The following CATSPERD variants were observed in gnomAD, a reference collection of about 807,000 sequenced individuals.
CATSPERD encodes cation channel sperm-associated auxiliary subunit delta.
A neutral mutation model predicts 98.1 loss-of-function variants in CATSPERD; 86 were observed. The ratio of observed to expected loss-of-function variants is 0.88; its 90% CI spans 0.74 to 1.05. CATSPERD has a LOEUF of 1.05. Among genes scored for constraint, CATSPERD ranks in the 50% least tolerant of loss-of-function variants. CATSPERD has a pLI of 0.00. For synonymous variants in CATSPERD, 394 were observed against 390.2 expected (o/e 1.01, Z -0.12); for missense variants, 995 against 1,005.7 (o/e 0.99, Z 0.14).
At chr19:5,738,134 G>A (rs147776373) in intron 6 of CATSPERD, among the ~76,000 whole-genome samples, 9 of 151,858 alleles carry the variant, frequency 5.9e-5, no homozygotes, top group African/African-American at 1.7e-4. Flanking sequence ...CTGTCCAGGC[G>A]TGGTGGTTCA....
intron 1 of CATSPERD, among the ~76,000 whole-genome samples, chr19:5,724,319 T>C (rs1456171503): frequency 1.3e-5 from 2 of 151,028 alleles, no homozygotes; most frequent in African/African-American, 4.9e-5. Context: ...TGCCTCGGCC[T>C]CCCAAAGTGC....
Position 5,748,198 on chromosome 19 carries a change from C to G in CATSPERD, c.847C>G (p.Gln283Glu). 6.2e-7 allele frequency: 1 copy of G among 1,614,002 alleles called. No homozygotes were observed. Among genetic ancestry groups the G allele is most frequent in the South Asian group, 1.1e-5 (1 of 91,074 alleles). Residue 283 changes from glutamine to glutamate, a missense_variant, in exon 10 of 22, where the codon CAG (glutamine) becomes GAG (glutamate). By Grantham distance (29) the Gln-to-Glu change is conservative. Transcript: ENST00000381624. ...CACCGTCCGGGTGAAAAAAGGAGAC[C>G]AGACCTTGTTTTCTTCCATTTTTGA... ...VDTVRVKKGD[Q>E]TLFSSIFEAK... is the part of the protein sequence containing the mutation.
chr19:5,759,640 G>T (rs1344302539), intron 15 of CATSPERD, among the ~76,000 whole-genome samples: 2 of 150,498 alleles, frequency 1.3e-5, no homozygotes, highest in African/African-American at 4.9e-5. Flanking sequence ...TACTCAGGGA[G>T]ATATTTGCAC....
intron 1 of CATSPERD, among the ~76,000 whole-genome samples, chr19:5,722,750 G>A (rs1260463154): frequency 1.4e-5 from 2 of 148,090 alleles, no homozygotes; most frequent in South Asian, 2.1e-4. Flanking sequence ...CCGCAACCCC[G>A]GTGATTCTGA....
intron 20 of CATSPERD, among the ~76,000 whole-genome samples, chr19:5,775,785 C>T (rs2056731746): frequency 6.6e-6 from 1 of 151,910 alleles, no homozygotes; most frequent in African/African-American, 2.4e-5. Flanking sequence ...TCAGAAGAAA[C>T]ACTGTGCCTG....
intron 7 of CATSPERD, among the ~76,000 whole-genome samples, chr19:5,739,675 T>TA (rs1034093589): frequency 4.0e-5 from 6 of 149,704 alleles, no homozygotes; most frequent in African/African-American, 1.5e-4. Context: ...CTACAAAAAA[T>TA]AAAAAAAATA....
intron 5 of CATSPERD, among the ~76,000 whole-genome samples, chr19:5,734,463 AC>A (rs1311230166): frequency 6.6e-6 from 1 of 152,038 alleles, no homozygotes; most frequent in African/African-American, 2.4e-5. Context: ...ACATGGGGAA[AC>A]CCCGTCCCTA....
At chr19:5,776,117 T>G (rs775640723) in intron 20 of CATSPERD, 44 bp from the exon 21 acceptor site, 1 of 1,597,116 alleles carries the variant, frequency 6.3e-7, no homozygotes, top group Admixed American at 1.7e-5. Flanking sequence ...CAGGGCCCCC[T>G]CCCCAGTCCC....
chr19:5,739,368 A>C lies in CATSPERD; in HGVS notation c.502A>C (p.Ile168Leu). ...LVFAYFRGDQ[I>L]SQTYIYYSNT... ...TTTTGCATATTTCCGTGGAGATCAG[A>C]TATCCCAGACTTATATATATTATTC... The change falls in exon 7 of 22, where the codon ATA (isoleucine) becomes CTA (leucine). Residue 168 changes from isoleucine to leucine, a missense_variant. Coordinates refer to ENST00000381624, the MANE Select transcript of CATSPERD (RefSeq NM_152784.4). 1.3e-6 allele frequency: 2 copies of C among 1,588,300 alleles called. No individual in the cohort carries two copies. The highest frequency in any genetic ancestry group is 1.7e-6 in the Non-Finnish European group (2 of 1,170,206).
intron 12 of CATSPERD, among the ~76,000 whole-genome samples, chr19:5,752,844 A>G (rs1033107801): frequency 6.6e-6 from 1 of 151,934 alleles, no homozygotes; most frequent in African/African-American, 2.4e-5. Context: ...CCTGGCCAAC[A>G]TGGCGAAACC....
rs2056771637 is a variant in CATSPERD, at chr19:5,778,458, C to T, written c.2179C>T (p.Leu727=). 1.2e-6 allele frequency: 2 copies of T among 1,614,022 alleles called. No homozygotes were observed. Among genetic ancestry groups the T allele is most frequent in the South Asian group, 1.1e-5 (1 of 91,090 alleles). The part of the protein sequence containing the change: ...VQLVSAGVVI[L]LIISSILGSV... ...GCTGGTCTCTGCTGGAGTCGTCATC[C>T]TACTGATCATCTCCAGCATCCTGGG... Residue 727 remains leucine, a synonymous_variant, in exon 22 of 22, where the codon CTA becomes TTA. Transcript: ENST00000381624.
chr19:5,772,175 G>GTAGC (rs2056658858), intron 19 of CATSPERD: 1 of 392,088 alleles, frequency 2.6e-6, no homozygotes. Flanking sequence ...AGCCTCCCAA[G>GTAGC]TAGCTGGGAC....
rs572853742 is a variant in CATSPERD, at chr19:5,758,976, G to A, written c.1369-110G>A. The A allele has an allele frequency of 7.0e-5, 62 of 889,212 alleles. 1 individual carries two copies. The African/African-American group carries it at 7.4e-4, about 11-fold the overall frequency. 55.1% of individuals were successfully genotyped at this position (889,212 alleles called of 1,614,324 possible). A position where few individuals can be genotyped will look rare whatever the true frequency, so the allele number is the denominator to read the frequency against. ...CAGAGTGGGGCTAAGCGGCTTCCAG[G>A]TTCGTCCCCCCATGTCCCCTCCAAC... On this transcript the variant is annotated intron_variant, in intron 14 of 21. Coordinates refer to ENST00000381624, the MANE Select transcript of CATSPERD (RefSeq NM_152784.4).
intron 6 of CATSPERD, among the ~76,000 whole-genome samples, chr19:5,738,979 C>T (rs905934930): frequency 2.1e-4 from 32 of 152,116 alleles, no homozygotes; most frequent in African/African-American, 7.5e-4. Flanking sequence ...CCGCCCGCCT[C>T]AGCCTCCCAA....
chr19:5,763,571 TC>T lies in CATSPERD; in HGVS notation c.1506+280del, dbSNP rs1263875720. Among the ~76,000 whole-genome samples the T allele has an allele frequency of 2.6e-5, 4 of 152,290 alleles. No homozygotes were observed. The East Asian group carries it at 7.7e-4, about 29-fold the overall frequency. ...CACGAAAGGACAAATCCTGTGTGATTCCGCTCTTAGGAGGTCCCTAGAGTCA... is the reference window on the plus strand; with the variant it reads ...CACGAAAGGACAAATCCTGTGTGATTCGCTCTTAGGAGGTCCCTAGAGTCA... On this transcript the variant is annotated intron_variant, in intron 16 of 21. Coordinates refer to ENST00000381624, the MANE Select transcript of CATSPERD (RefSeq NM_152784.4).
chr19:5,768,398 G>A (rs768564388), intron 18 of CATSPERD, among the ~76,000 whole-genome samples, 156 bp downstream of exon 18: 3 of 151,654 alleles, frequency 2.0e-5, no homozygotes, highest in South Asian at 2.1e-4. Flanking sequence ...GTGCAGTGGC[G>A]CGATCTCGGC....
At chr19:5,750,781 G>T (rs1441101747) in intron 11 of CATSPERD, among the ~76,000 whole-genome samples, 1 of 151,928 alleles carries the variant, frequency 6.6e-6, no homozygotes, top group Non-Finnish European at 1.5e-5. Context: ...TGAAGCTGAA[G>T]AGAAGTTAGA....
At chr19:5,763,894 C>CAGAG (rs2145834819) in intron 16 of CATSPERD, among the ~76,000 whole-genome samples, 1 of 120,986 alleles carries the variant, frequency 8.3e-6, no homozygotes, top group East Asian at 2.5e-4. Context: ...GTCGCCCAGA[C>CAGAG]TGGAATGCAG....
intron 20 of CATSPERD, among the ~76,000 whole-genome samples, chr19:5,773,981 T>TC (rs1178644583): frequency 6.7e-6 from 1 of 149,484 alleles, no homozygotes; most frequent in East Asian, 2.0e-4. Flanking sequence ...TTTTTTTTTT[T>TC]TTTTGAGACG....
Sources: gnomAD v4.1 joint callset for allele counts (sites outside exome capture counted in the v4.1 genomes callset) on GRCh38, gnomAD v4.1.1 for gene constraint, MANE v1.5 for transcripts, NCBI Gene and HGNC (gene_info 2026-07-23, HGNC 2026-07-21) for gene names.